Variants in ARID4B observed in about 807,000 individuals in gnomAD.
ARID4B encodes the protein AT-rich interaction domain 4B.
Under a neutral mutation model 147.5 loss-of-function variants are expected in ARID4B, and 26 were observed. That is an observed-to-expected ratio of 0.18 (90% confidence interval 0.13 to 0.24). ARID4B has a LOEUF of 0.24. Ranked by LOEUF, ARID4B falls within the 10% of genes least tolerant of loss-of-function variation. ARID4B has a pLI of 1.00. For synonymous variants in ARID4B, 512 were observed against 507.9 expected, an observed-to-expected ratio of 1.01 and a Z score of -0.11; for missense variants, 1,179 against 1,511.5, an observed-to-expected ratio of 0.78 and a Z score of 3.65.
At chr1:235,256,435 A>C (rs1175660609) in intron 4 of ARID4B, among the ~76,000 whole-genome samples, 1 of 152,148 alleles carries the variant, frequency 6.6e-6, no homozygotes, top group Non-Finnish European at 1.5e-5. Flanking sequence ...GGGACAATTT[A>C]AAAATTGCTC....
intron 2 of ARID4B, among the ~76,000 whole-genome samples, chr1:235,310,573 AC>A (rs1403184615): frequency 6.6e-6 from 1 of 152,240 alleles, no homozygotes; most frequent in African/African-American, 2.4e-5. Flanking sequence ...GTGCCATATA[AC>A]TGTACGGTTA....
At chr1:235,190,460 G>GAA (rs11409901) in intron 19 of ARID4B, among the ~76,000 whole-genome samples, 61 of 145,304 alleles carry the variant, frequency 4.2e-4, no homozygotes, top group Non-Finnish European at 2.3e-4. Flanking sequence ...AAAAAGAAAA[G>GAA]AAAAAAAAAA....
intron 2 of ARID4B, among the ~76,000 whole-genome samples, chr1:235,307,117 T>C (rs1673628547): frequency 6.6e-6 from 1 of 152,014 alleles, no homozygotes; most frequent in Non-Finnish European, 1.5e-5. Context: ...GAAGGGGGAA[T>C]GGGATAGACA....
chr1:235,315,741 C>T lies in ARID4B; in HGVS notation c.6+11173G>A, dbSNP rs778259965. Among the ~76,000 whole-genome samples the T allele has an allele frequency of 1.6e-4, 25 of 152,300 alleles. 1 individual carries two copies. Among genetic ancestry groups the T allele is most frequent in the African/African-American group, 2.6e-4 (11 of 41,566 alleles). ...ACAGGGATGTTGAATTCTATACTTA[C>T]GTCTAACTGTATCCTAAAGCTAAGC... On this transcript the variant is annotated intron_variant, in intron 2 of 23. Coordinates refer to ENST00000264183, the MANE Select transcript of ARID4B (RefSeq NM_016374.6).
At chr1:235,280,690 G>T (rs1176597440) in intron 2 of ARID4B, among the ~76,000 whole-genome samples, 3 of 152,230 alleles carry the variant, frequency 2.0e-5, no homozygotes, top group African/African-American at 4.8e-5. Context: ...CGCAGGGTGG[G>T]GCTGCCATCA....
intron 17 of ARID4B, among the ~76,000 whole-genome samples, chr1:235,210,161 A>G (rs2102999915): frequency 6.6e-6 from 1 of 152,060 alleles, no homozygotes; most frequent in South Asian, 2.1e-4. Context: ...CAAGAAGTCG[A>G]GGCTGGAGAG....
At chr1:235,256,256 G>A (rs536976516) in intron 4 of ARID4B, among the ~76,000 whole-genome samples, 1 of 150,996 alleles carries the variant, frequency 6.6e-6, no homozygotes, top group South Asian at 2.1e-4. Context: ...AGTAAAAAAG[G>A]CAAATAATAC....
At chr1:235,229,138 T>TA (rs1218195271) in intron 11 of ARID4B, 93 bp downstream of exon 11, 5 of 1,360,422 alleles carry the variant, frequency 3.7e-6, no homozygotes, top group Admixed American at 2.4e-5. Flanking sequence ...TAAAAATACT[T>TA]ATATGAGTAA....
chr1:235,192,961 C>T (rs1019781385), intron 19 of ARID4B, among the ~76,000 whole-genome samples: 3 of 152,202 alleles, frequency 2.0e-5, no homozygotes, highest in South Asian at 2.1e-4. Context: ...GGCGCAGTGG[C>T]GGGCGCCTGT....
chr1:235,313,481 C>CT, intron 2 of ARID4B, among the ~76,000 whole-genome samples: 1 of 152,140 alleles, frequency 6.6e-6, no homozygotes, highest in Non-Finnish European at 1.5e-5. Flanking sequence ...AGGGCTCCTA[C>CT]AGTCATTCGC....
intron 7 of ARID4B, among the ~76,000 whole-genome samples, chr1:235,241,293 T>TA (rs1308044707): frequency 6.6e-6 from 1 of 152,174 alleles, no homozygotes; most frequent in Non-Finnish European, 1.5e-5. Flanking sequence ...ATTGAATACC[T>TA]ACAAAGATAA....
chr1:235,188,252 A>G lies in ARID4B; in HGVS notation c.2126-5459T>C, dbSNP rs61837208. On this transcript the variant is annotated intron_variant, in intron 19 of 23. Coordinates refer to ENST00000264183, the MANE Select transcript of ARID4B (RefSeq NM_016374.6). ...GGAAAATACGAAAGAAAAGCAACAC[A>G]ATTTGCAAGTCAGAAAGCAGATAAA... Among the ~76,000 whole-genome samples, 1,335 of 152,328 alleles carry G rather than the reference A, an allele frequency of 8.8e-3. 8 individuals carry two copies. The highest frequency in any genetic ancestry group is 0.017 in the Middle Eastern group (5 of 294).
At chr1:235,237,889 G>A (rs1668710682) in intron 8 of ARID4B, among the ~76,000 whole-genome samples, 1 of 152,110 alleles carries the variant, frequency 6.6e-6, no homozygotes, top group Admixed American at 6.6e-5. Flanking sequence ...GCTGGCTCAT[G>A]CCTGTAATCC....
chr1:235,281,935 G>A lies in ARID4B; in HGVS notation c.7-21183C>T, dbSNP rs1671695029. On this transcript the variant is annotated intron_variant, in intron 2 of 23. Transcript: ENST00000264183. Reference sequence around the variant, plus strand: ...TATTAGATATCAACATTATAAATAAGGGAATACTTTTCAGATACAAAATGA... The same window carrying A: ...TATTAGATATCAACATTATAAATAAAGGAATACTTTTCAGATACAAAATGA... Among the ~76,000 whole-genome samples, 3 of 152,020 alleles carry A rather than the reference G, an allele frequency of 2.0e-5. No homozygotes were observed. The South Asian group carries it at 6.2e-4, about 32-fold the overall frequency.
At position 235,194,209 on chromosome 1, in the gene ARID4B, A is replaced by G; in HGVS notation, c.1929T>C (p.Asn643=). ...CTTTGTCTTTTTCTTTGTCTAATTT[A>G]TTCTAGGTTAAGAAAAAAAGTATGT... is the stretch of plus-strand genomic sequence containing the variant. ...PKIKHRKKIK[N]KLDKEKDKDE... is the part of the protein sequence containing the mutation. Residue 643 remains asparagine (N), a splice_region_variant and synonymous_variant, in exon 19 of 24, where the codon AAT becomes AAC. Transcript: ENST00000264183. 1.3e-6 allele frequency: 2 copies of G among 1,594,938 alleles called. No individual in the cohort carries two copies. Among genetic ancestry groups the G allele is most frequent in the Non-Finnish European group, 1.7e-6 (2 of 1,163,760 alleles).
chr1:235,250,465 A>T (rs1321605879), intron 6 of ARID4B, among the ~76,000 whole-genome samples: 1 of 152,236 alleles, frequency 6.6e-6, no homozygotes, highest in Non-Finnish European at 1.5e-5. Flanking sequence ...TAATATACTC[A>T]AATTTTAAAA....
chr1:235,277,289 C>T (rs1472217994), intron 2 of ARID4B, among the ~76,000 whole-genome samples: 1 of 151,892 alleles, frequency 6.6e-6, no homozygotes, highest in Non-Finnish European at 1.5e-5. Context: ...AGTGTAATCC[C>T]AGCACTATGG....
chr1:235,309,029 G>C (rs1378941663), intron 2 of ARID4B, among the ~76,000 whole-genome samples: 1 of 144,400 alleles, frequency 6.9e-6, no homozygotes, highest in African/African-American at 2.9e-5. Flanking sequence ...TAGGAAGTGA[G>C]GAGCGCCTCT....
At chr1:235,173,742 TAAAAAAAAAAAAAAAA>T (rs755815257) in intron 22 of ARID4B, among the ~76,000 whole-genome samples, 490 of 26,162 alleles carry the variant, frequency 0.019, 13 homozygotes, top group Non-Finnish European at 0.024. Flanking sequence ...CGTCTCTATT[TAAAAAAAAAAAAAAAA>T]AAAAAAAAAA....
Sources: gnomAD v4.1 joint callset for allele counts (sites outside exome capture counted in the v4.1 genomes callset) on GRCh38, gnomAD v4.1.1 for gene constraint, MANE v1.5 for transcripts, NCBI Gene and HGNC (gene_info 2026-07-23, HGNC 2026-07-21) for gene names.